TULP4: variants seen among roughly 807,000 people sequenced by gnomAD.
TULP4 encodes the protein tubby-related protein 4.
TULP4 carries 16 observed loss-of-function variants against 129.0 expected under a neutral mutation model. That is an observed-to-expected ratio of 0.12 (90% confidence interval 0.08 to 0.19). The LOEUF (loss-of-function observed/expected upper bound fraction) is 0.19. Ranked by LOEUF, TULP4 falls within the 10% of genes least tolerant of loss-of-function variation. The probability of loss-of-function intolerance (pLI) is 1.00; values close to 1 mark genes in which losing one functional copy is unlikely to be tolerated. For synonymous variants in TULP4, 998 were observed against 854.0 expected, an observed-to-expected ratio of 1.17 and a Z score of -2.94; for missense variants, 1,842 against 2,059.1, an observed-to-expected ratio of 0.89 and a Z score of 2.04.
intron 2 of TULP4, among the ~76,000 whole-genome samples, chr6:158,423,833 G>C (rs975548463): frequency 1.9e-4 from 29 of 151,968 alleles, no homozygotes; most frequent in Non-Finnish European, 4.4e-5. Context: ...GTAGAGACGG[G>C]GTTTCACCGT....
intron 1 of TULP4, among the ~76,000 whole-genome samples, chr6:158,275,627 T>C (rs751135318): frequency 6.6e-6 from 1 of 152,218 alleles, no homozygotes; most frequent in Non-Finnish European, 1.5e-5. Context: ...TGTACATAAC[T>C]ACACTAATGG....
At chr6:158,474,979 C>T (rs1399936908) in intron 6 of TULP4, among the ~76,000 whole-genome samples, 3 of 152,160 alleles carry the variant, frequency 2.0e-5, no homozygotes, top group Non-Finnish European at 4.4e-5. Flanking sequence ...ATTGTCAGTC[C>T]CCTTATAACT....
At chr6:158,234,064 G>T (rs1256897198) in intron 1 of TULP4, among the ~76,000 whole-genome samples, 1 of 152,166 alleles carries the variant, frequency 6.6e-6, no homozygotes, top group Non-Finnish European at 1.5e-5. Flanking sequence ...AGTCATGATT[G>T]CTTCCTGTGG....
chr6:158,405,694 G>A (rs1203627707), intron 1 of TULP4, among the ~76,000 whole-genome samples: 1 of 152,148 alleles, frequency 6.6e-6, no homozygotes, highest in Non-Finnish European at 1.5e-5. Flanking sequence ...GCCCTGGGCT[G>A]AGATTATGGT....
At chr6:158,301,526 A>T (rs990595630) in intron 1 of TULP4, among the ~76,000 whole-genome samples, 1 of 152,192 alleles carries the variant, frequency 6.6e-6, no homozygotes, top group Admixed American at 6.5e-5. Flanking sequence ...TTAAATTCGG[A>T]TCAAATCTGG....
At chr6:158,298,037 C>T (rs1427557874) in intron 1 of TULP4, among the ~76,000 whole-genome samples, 1 of 152,088 alleles carries the variant, frequency 6.6e-6, no homozygotes, top group Admixed American at 6.5e-5. Flanking sequence ...ATATTCCTTG[C>T]TAGGAAAATA....
intron 1 of TULP4, among the ~76,000 whole-genome samples, chr6:158,252,359 T>A (rs1437957606): frequency 2.0e-5 from 3 of 151,812 alleles, no homozygotes; most frequent in Non-Finnish European, 4.4e-5. Context: ...TGGGTATTTT[T>A]AATTTTTTTA....
At chr6:158,269,964 T>G (rs1210495707) in intron 1 of TULP4, among the ~76,000 whole-genome samples, 1 of 152,236 alleles carries the variant, frequency 6.6e-6, no homozygotes, top group African/African-American at 2.4e-5. Context: ...CCCATTTTAT[T>G]GCTTCTAGAT....
At chr6:158,480,343 G>A (rs899104429) in intron 7 of TULP4, among the ~76,000 whole-genome samples, 2 of 152,308 alleles carry the variant, frequency 1.3e-5, no homozygotes, top group East Asian at 1.9e-4. Context: ...GCCATTATTC[G>A]CATTTAAGGA....
intron 5 of TULP4, among the ~76,000 whole-genome samples, chr6:158,456,669 T>TA (rs1354265588): frequency 6.6e-6 from 1 of 151,934 alleles, no homozygotes; most frequent in Non-Finnish European, 1.5e-5. Context: ...TCATCTCTAC[T>TA]AAAAAACAAC....
At position 158,338,539 on chromosome 6, in the gene TULP4, C is replaced by T. The variant is rs141232617; in HGVS notation, c.252+24271C>T. Among the ~76,000 whole-genome samples, 804 of 152,264 alleles carry T rather than the reference C, an allele frequency of 5.3e-3. 7 individuals are homozygous for T. The highest frequency in any genetic ancestry group is 0.017 in the African/African-American group (711 of 41,520). Reference sequence around the variant, plus strand: ...AAAGGAGTGCTGCTGAGGTGTGAACCGTTCCAAAGCTGGGCAGTGACCCTG... The same window carrying T: ...AAAGGAGTGCTGCTGAGGTGTGAACTGTTCCAAAGCTGGGCAGTGACCCTG... On this transcript the variant is annotated intron_variant, in intron 1 of 13. Coordinates refer to ENST00000367097, the MANE Select transcript of TULP4 (RefSeq NM_020245.5).
At chr6:158,351,707 CTTTTTTTTTTTTTTT>C (rs1160814801) in intron 1 of TULP4, among the ~76,000 whole-genome samples, 4 of 50,520 alleles carry the variant, frequency 7.9e-5, no homozygotes, top group Non-Finnish European at 1.4e-4. Context: ...TGTTGTTAAA[CTTTTTTTTTTTTTTT>C]TTTTTTTTTT....
At chr6:158,499,030 T>G (rs1780390213) in intron 12 of TULP4, among the ~76,000 whole-genome samples, 1 of 152,220 alleles carries the variant, frequency 6.6e-6, no homozygotes, top group Non-Finnish European at 1.5e-5. Flanking sequence ...GGAGCACAGA[T>G]GGTTCCAGTA....
rs193248767 is a variant in TULP4 at position 158,511,663 on chromosome 6, A to G, written c.*4969A>G. 6.6e-6 allele frequency: 1 copy of G among 152,560 alleles called. No individual in the cohort carries two copies. The highest frequency in any genetic ancestry group is 6.5e-5 in the Admixed American group (1 of 15,304). 9.5% of individuals were successfully genotyped at this position (152,560 alleles called of 1,614,324 possible). ...TTTTGTGTATTAGATTGTGCAGGAG[A>G]TATTCTAGAAGGCATTAATGGTTTG... On this transcript the variant is annotated 3_prime_UTR_variant, in exon 14 of 14. Coordinates refer to ENST00000367097, the MANE Select transcript of TULP4 (RefSeq NM_020245.5).
intron 6 of TULP4, among the ~76,000 whole-genome samples, chr6:158,473,402 A>G (rs141919014): frequency 2.0e-5 from 3 of 152,356 alleles, no homozygotes; most frequent in Non-Finnish European, 2.9e-5. Context: ...CGAACGCTGA[A>G]CTAGCTTTTA....
chr6:158,297,125 C>T (rs756684196), intron 1 of TULP4, among the ~76,000 whole-genome samples: 37 of 152,078 alleles, frequency 2.4e-4, no homozygotes, highest in Non-Finnish European at 4.6e-4. Flanking sequence ...ACTCCCAGAG[C>T]GGCCGTTTAT....
intron 1 of TULP4, among the ~76,000 whole-genome samples, chr6:158,285,265 A>G (rs1424615297): frequency 2.0e-5 from 3 of 152,166 alleles, no homozygotes; most frequent in Non-Finnish European, 4.4e-5. Context: ...AACAATAAAC[A>G]ATTCTTTATA....
At chr6:158,352,453 G>A (rs1047529912) in intron 1 of TULP4, among the ~76,000 whole-genome samples, 1 of 152,202 alleles carries the variant, frequency 6.6e-6, no homozygotes, top group African/African-American at 2.4e-5. Flanking sequence ...CTGGAGTGCA[G>A]TGGCACGATC....
At chr6:158,332,200 A>AATATATATATATATATATAT (rs776893885) in intron 1 of TULP4, among the ~76,000 whole-genome samples, 8 of 18,004 alleles carry the variant, frequency 4.4e-4, no homozygotes, top group African/African-American at 1.1e-3. Flanking sequence ...AAAAAAAAAA[A>AATATATATATATATATATAT]ATATATATAT....
Sources: allele counts gnomAD v4.1 joint callset (sites outside exome capture counted in the v4.1 genomes callset), GRCh38; gene constraint gnomAD v4.1.1; transcripts MANE v1.5; gene names NCBI Gene and HGNC (gene_info 2026-07-23, HGNC 2026-07-21).